The following NRXN3 variants were observed in gnomAD, a reference collection of about 807,000 sequenced individuals.
NRXN3 encodes the protein neurexin 3.
NRXN3 carries 32 observed loss-of-function variants against 137.6 expected under a neutral mutation model. The ratio of observed to expected loss-of-function variants is 0.23; its 90% CI spans 0.18 to 0.31. The LOEUF (loss-of-function observed/expected upper bound fraction) is 0.31. Among genes scored for constraint, NRXN3 ranks in the 10% least tolerant of loss-of-function variants. The pLI, the probability that NRXN3 is intolerant of heterozygous loss-of-function variation, is 1.00. For synonymous variants in NRXN3, 798 were observed against 784.5 expected (o/e 1.02, Z -0.29); for missense variants, 1,574 against 2,062.5 (o/e 0.76, Z 4.59).
chr14:78,294,842 G>A (rs532664679), intron 3 of NRXN3, among the ~76,000 whole-genome samples: 1 of 152,258 alleles, frequency 6.6e-6, no homozygotes, highest in Non-Finnish European at 1.5e-5. Flanking sequence ...ATAAGCACAT[G>A]CATACCTTCG....
At chr14:78,450,683 C>A (rs950486865) in intron 4 of NRXN3, among the ~76,000 whole-genome samples, 3 of 152,202 alleles carry the variant, frequency 2.0e-5, no homozygotes, top group Non-Finnish European at 2.9e-5. Context: ...TCCTGAGCTT[C>A]TCCCTCTGCC....
intron 16 of NRXN3, among the ~76,000 whole-genome samples, chr14:79,558,625 A>G (rs2097456134): frequency 6.6e-6 from 1 of 150,996 alleles, no homozygotes; most frequent in African/African-American, 2.4e-5. Context: ...ATGTAAACAG[A>G]TGTGTTGTCA....
At chr14:78,449,866 G>A (rs2094509363) in intron 4 of NRXN3, among the ~76,000 whole-genome samples, 1 of 152,182 alleles carries the variant, frequency 6.6e-6, no homozygotes, top group Non-Finnish European at 1.5e-5. Context: ...TATAAATGGG[G>A]CTGGAATTAA....
chr14:79,197,566 T>TA (rs1286190296), intron 15 of NRXN3, among the ~76,000 whole-genome samples: 2 of 151,846 alleles, frequency 1.3e-5, no homozygotes, highest in African/African-American at 2.4e-5. Context: ...TTTTTTTTTT[T>TA]AATTCCATGA....
intron 15 of NRXN3, among the ~76,000 whole-genome samples, chr14:79,460,944 C>T (rs890246169): frequency 9.2e-5 from 14 of 152,188 alleles, no homozygotes; most frequent in Non-Finnish European, 5.9e-5. Flanking sequence ...GCTTTATCAT[C>T]AGTTCTGGTG....
At chr14:78,803,500 A>G in intron 8 of NRXN3, 120 bp from the exon 9 acceptor site, 1 of 877,782 alleles carries the variant, frequency 1.1e-6, no homozygotes, top group Non-Finnish European at 1.9e-6. Context: ...GGTTCATCAA[A>G]CACAAGTCAC....
At chr14:78,437,714 G>A (rs1157591830) in intron 4 of NRXN3, among the ~76,000 whole-genome samples, 1 of 152,196 alleles carries the variant, frequency 6.6e-6, no homozygotes, top group Non-Finnish European at 1.5e-5. Flanking sequence ...ATGCTTCAGA[G>A]TGCTTGTTGA....
chr14:79,239,179 T>C (rs1225147659), intron 15 of NRXN3, among the ~76,000 whole-genome samples: 1 of 152,124 alleles, frequency 6.6e-6, no homozygotes, highest in East Asian at 1.9e-4. Context: ...AAATGGAAAA[T>C]TATGACAGCA....
chr14:79,817,958 G>A (rs905543956), intron 20 of NRXN3, among the ~76,000 whole-genome samples: 22 of 151,430 alleles, frequency 1.5e-4, no homozygotes, highest in Admixed American at 5.9e-4. Context: ...CCATAAGGAG[G>A]AATGACTCCA....
intron 10 of NRXN3, among the ~76,000 whole-genome samples, chr14:78,852,174 A>G (rs932911660): frequency 1.3e-5 from 2 of 152,146 alleles, no homozygotes; most frequent in African/African-American, 4.8e-5. Context: ...ACTTCCTTCT[A>G]GTTGATGTTC....
chr14:78,872,503 CTT>C (rs1263754611), intron 10 of NRXN3, among the ~76,000 whole-genome samples: 2 of 151,462 alleles, frequency 1.3e-5, no homozygotes, highest in Non-Finnish European at 2.9e-5. Flanking sequence ...ACCTTAGTCT[CTT>C]GTTTCATATT....
chr14:79,795,108 A>G (rs2099157214), intron 19 of NRXN3, among the ~76,000 whole-genome samples: 1 of 152,206 alleles, frequency 6.6e-6, no homozygotes, highest in South Asian at 2.1e-4. Context: ...TTGACAGCAA[A>G]TGAGTGTTGC....
chr14:79,732,893 C>T (rs1384603917), intron 19 of NRXN3, among the ~76,000 whole-genome samples: 1 of 151,926 alleles, frequency 6.6e-6, no homozygotes, highest in East Asian at 1.9e-4. Context: ...TGTGATTTGA[C>T]AAAAGTGGCA....
rs145981621 is a variant in NRXN3, at chr14:79,448,744, T to C, written c.3263-18477T>C. ...ATATGTGTGTACATGTACACACTTA[T>C]GTATATACATACACACATACATTCG... is the stretch of plus-strand genomic sequence containing the variant. On this transcript the variant is annotated intron_variant, in intron 15 of 20. Coordinates refer to ENST00000335750, the MANE Select transcript of NRXN3 (RefSeq NM_001330195.2). Among the ~76,000 whole-genome samples, 500 of 152,334 alleles carry C rather than the reference T, an allele frequency of 3.3e-3. 1 individual carries two copies. Among genetic ancestry groups the C allele is most frequent in the African/African-American group, 0.011 (465 of 41,586 alleles).
intron 15 of NRXN3, among the ~76,000 whole-genome samples, chr14:79,167,121 T>C (rs2061352416): frequency 6.6e-6 from 1 of 152,062 alleles, no homozygotes; most frequent in African/African-American, 2.4e-5. Flanking sequence ...TGTGTATCAA[T>C]AGCCCAGTTT....
intron 8 of NRXN3, among the ~76,000 whole-genome samples, chr14:78,799,487 C>T (rs2098832187): frequency 2.0e-5 from 3 of 152,140 alleles, no homozygotes. Flanking sequence ...CAAACTTTCC[C>T]ATGTTTTTCT....
intron 4 of NRXN3, among the ~76,000 whole-genome samples, chr14:78,378,960 CAATG>C (rs1225763006): frequency 2.0e-5 from 3 of 151,524 alleles, no homozygotes; most frequent in African/African-American, 7.3e-5. Flanking sequence ...ACATTGTAGA[CAATG>C]AAAGGCAATA....
intron 4 of NRXN3, among the ~76,000 whole-genome samples, chr14:78,637,665 G>A (rs570100509): frequency 3.9e-5 from 6 of 152,318 alleles, no homozygotes; most frequent in East Asian, 3.9e-4. Flanking sequence ...TGCCAAACCC[G>A]CATCTGTCTG....
At chr14:78,901,443 A>G (rs894454146) in intron 10 of NRXN3, among the ~76,000 whole-genome samples, 1 of 152,002 alleles carries the variant, frequency 6.6e-6, no homozygotes, top group African/African-American at 2.4e-5. Flanking sequence ...TCTTTCCACC[A>G]TGACATCAGA....
Sources: gnomAD v4.1 joint callset for allele counts (sites outside exome capture counted in the v4.1 genomes callset) on GRCh38, gnomAD v4.1.1 for gene constraint, MANE v1.5 for transcripts, NCBI Gene and HGNC (gene_info 2026-07-23, HGNC 2026-07-21) for gene names.